Variants in SND1 observed in about 807,000 individuals in gnomAD.
SND1 encodes the protein staphylococcal nuclease and tudor domain containing 1, also known as staphylococcal nuclease domain-containing protein 1.
In SND1, 38 loss-of-function variants were observed where a neutral mutation model predicts 121.7. That is an observed-to-expected ratio of 0.31 (90% confidence interval 0.24 to 0.41). The LOEUF is 0.41. SND1 is among the 10% of genes least tolerant of loss of function. The pLI is 1.00. For synonymous variants in SND1, 401 were observed against 447.4 expected, an observed-to-expected ratio of 0.90 and a Z score of 1.31; for missense variants, 868 against 1,184.6, an observed-to-expected ratio of 0.73 and a Z score of 3.92.
At chr7:128,057,778 G>A (rs1221465541) in intron 16 of SND1, among the ~76,000 whole-genome samples, 2 of 152,196 alleles carry the variant, frequency 1.3e-5, no homozygotes, top group Non-Finnish European at 2.9e-5. Flanking sequence ...AGAGAATGGA[G>A]CCAGGGAGAT....
At chr7:127,781,898 T>C (rs1439609306) in intron 10 of SND1, among the ~76,000 whole-genome samples, 1 of 152,220 alleles carries the variant, frequency 6.6e-6, no homozygotes, top group Non-Finnish European at 1.5e-5. Context: ...AAGCCCAAGA[T>C]ACTGAACTTT....
rs77878394 is a variant in SND1, at chr7:127,820,392, G to C, written c.1242+12819G>C. Among the ~76,000 whole-genome samples, 365 of 152,280 alleles carry C rather than the reference G, an allele frequency of 2.4e-3. 2 individuals are homozygous for C. Among genetic ancestry groups the C allele is most frequent in the African/African-American group, 8.4e-3 (349 of 41,552 alleles). ...TTGCTAGTGGTGGAGTTTGCTTGCT[G>C]TCGGCAGTTTGGAAGCAAAGCAGCA... On this transcript the variant is annotated intron_variant, in intron 11 of 23. Transcript: ENST00000354725.
chr7:127,756,553 T>C (rs760629531), intron 10 of SND1, among the ~76,000 whole-genome samples: 9 of 152,262 alleles, frequency 5.9e-5, no homozygotes, highest in Non-Finnish European at 1.2e-4. Flanking sequence ...GGCCTTCCAC[T>C]GTCCTTAACT....
intron 9 of SND1, among the ~76,000 whole-genome samples, chr7:127,708,129 A>G (rs1796234075): frequency 6.6e-6 from 1 of 152,166 alleles, no homozygotes; most frequent in South Asian, 2.1e-4. Context: ...GAGATATTCA[A>G]CACTTTATTA....
intron 10 of SND1, among the ~76,000 whole-genome samples, chr7:127,756,245 G>T (rs769991411): frequency 6.6e-6 from 1 of 151,980 alleles, no homozygotes; most frequent in Admixed American, 6.6e-5. Flanking sequence ...TTCAGTTTGC[G>T]GCCTTTGATC....
chr7:127,913,025 G>A (rs1563056032), intron 14 of SND1, among the ~76,000 whole-genome samples: 1 of 152,212 alleles, frequency 6.6e-6, no homozygotes, highest in Non-Finnish European at 1.5e-5. Context: ...ATAACCTTGA[G>A]GTAGGGAGCT....
At chr7:127,782,544 CG>C (rs564745624) in intron 10 of SND1, among the ~76,000 whole-genome samples, 125 of 152,232 alleles carry the variant, frequency 8.2e-4, no homozygotes, top group African/African-American at 2.9e-3. Flanking sequence ...GTTGTTAGTT[CG>C]CTGAAAGTAG....
chr7:127,708,940 C>CT (rs1336428858), intron 9 of SND1, among the ~76,000 whole-genome samples: 2 of 152,320 alleles, frequency 1.3e-5, no homozygotes, highest in South Asian at 2.1e-4. Context: ...CTGAGAAAGT[C>CT]TGTCTTTTAA....
At chr7:127,835,761 A>G (rs1798856192) in intron 11 of SND1, among the ~76,000 whole-genome samples, 1 of 152,062 alleles carries the variant, frequency 6.6e-6, no homozygotes, top group Non-Finnish European at 1.5e-5. Flanking sequence ...TGGGATCACT[A>G]TTTTCAAATA....
At chr7:127,766,372 TCTG>T (rs1419953716) in intron 10 of SND1, among the ~76,000 whole-genome samples, 6 of 152,356 alleles carry the variant, frequency 3.9e-5, no homozygotes, top group Non-Finnish European at 8.8e-5. Flanking sequence ...TTGCCATAGA[TCTG>T]CTGTGATGAT....
chr7:127,716,099 T>C (rs931903837), intron 9 of SND1, among the ~76,000 whole-genome samples: 1 of 152,228 alleles, frequency 6.6e-6, no homozygotes, highest in Non-Finnish European at 1.5e-5. Flanking sequence ...TACCATGTGG[T>C]ATTGATTACT....
Position 128,089,701 on chromosome 7 carries a change from T to G in SND1, c.2622+9T>G, listed in dbSNP as rs766164618. On this transcript the variant is annotated intron_variant, in intron 22 of 23. Coordinates refer to ENST00000354725, the MANE Select transcript of SND1 (RefSeq NM_014390.4). ...AACAGTTCCAGAAAGTGGTATGTGA[T>G]GTGGAGAGGCGGCCCCAGCATTGCG... is the stretch of plus-strand genomic sequence containing the variant. The G allele has an allele frequency of 6.2e-7, 1 of 1,613,396 alleles. No individual in the cohort carries two copies. Among genetic ancestry groups the G allele is most frequent in the South Asian group, 1.1e-5 (1 of 91,014 alleles).
rs564533388 is a variant in SND1 at position 127,655,395 on chromosome 7, G to C, written c.78+2944G>C. Among the ~76,000 whole-genome samples, 16 of 152,336 alleles carry C rather than the reference G, an allele frequency of 1.1e-4. No homozygotes were observed. In the South Asian group the frequency reaches 3.1e-3, roughly 30 times the overall value. ...TTGACACCTGTGTCTGCTATTGAGA[G>C]TTGGGGTGAAGGGACAGAGTTGGTT... On this transcript the variant is annotated intron_variant, in intron 1 of 23. Coordinates refer to ENST00000354725, the MANE Select transcript of SND1 (RefSeq NM_014390.4).
Position 127,759,057 on chromosome 7 carries a change from A to AATAGATAGATAGATAGATAG in SND1, c.1152+37682_1152+37701dup, listed in dbSNP as rs1289095272. Among the ~76,000 whole-genome samples, 893 of 145,494 alleles carry AATAGATAGATAGATAGATAG rather than the reference A, an allele frequency of 6.1e-3. 2 individuals carry two copies. The highest frequency in any genetic ancestry group is 9.2e-3 in the South Asian group (40 of 4,360). ...CGACATAGCAAGATGCTGTCTCAAA[A>AATAGATAGATAGATAGATAG]ATAGATAGATAGATAGATAGATAGA... On this transcript the variant is annotated intron_variant, in intron 10 of 23. Transcript: ENST00000354725.
intron 10 of SND1, among the ~76,000 whole-genome samples, chr7:127,766,958 G>A (rs1208927565): frequency 6.6e-6 from 1 of 151,682 alleles, no homozygotes; most frequent in Non-Finnish European, 1.5e-5. Context: ...AAAGTGCTGT[G>A]TACTTTTATA....
chr7:127,703,097 G>A, intron 6 of SND1, 68 bp from the exon 7 acceptor site: 3 of 1,571,458 alleles, frequency 1.9e-6, no homozygotes, highest in Non-Finnish European at 2.6e-6. Context: ...GGAAGGCTTA[G>A]TGTGGGGCGA....
chr7:127,754,231 C>G (rs1797153802), intron 10 of SND1, among the ~76,000 whole-genome samples: 1 of 152,110 alleles, frequency 6.6e-6, no homozygotes, highest in African/African-American at 2.4e-5. Flanking sequence ...TTGAGGAGGT[C>G]AGATAGAATA....
At chr7:127,670,280 C>T (rs765785241) in intron 1 of SND1, among the ~76,000 whole-genome samples, 3 of 133,262 alleles carry the variant, frequency 2.3e-5, no homozygotes, top group Admixed American at 7.8e-5. Flanking sequence ...TGAGCCACCA[C>T]GCCTGGCCTA....
At chr7:127,809,603 A>G (rs1034469981) in intron 11 of SND1, among the ~76,000 whole-genome samples, 2 of 152,172 alleles carry the variant, frequency 1.3e-5, no homozygotes, top group Non-Finnish European at 2.9e-5. Flanking sequence ...GGTGATTAAG[A>G]GGCACCACGA....
Sources: allele counts gnomAD v4.1 joint callset (sites outside exome capture counted in the v4.1 genomes callset), GRCh38; gene constraint gnomAD v4.1.1; transcripts MANE v1.5; gene names NCBI Gene and HGNC (gene_info 2026-07-23, HGNC 2026-07-21).